SERINC5: variants seen among roughly 807,000 people sequenced by gnomAD.
The protein encoded by SERINC5 is chromosome 5 open reading frame 12.
A neutral mutation model predicts 63.1 loss-of-function variants in SERINC5; 41 were observed. The observed-to-expected ratio is 0.65, with a 90% CI of 0.51 to 0.84. The LOEUF is 0.84. Among genes scored for constraint, SERINC5 ranks in the 40% least tolerant of loss-of-function variants. The pLI is 0.00. For missense variants in SERINC5, 523 were observed against 573.0 expected (o/e 0.91, Z 0.89); for synonymous variants, 222 against 215.2 (o/e 1.03, Z -0.28).
chr5:80,238,066 T>C (rs1391879223), intron 1 of SERINC5, among the ~76,000 whole-genome samples: 1 of 135,082 alleles, frequency 7.4e-6, no homozygotes, highest in Non-Finnish European at 1.5e-5. Flanking sequence ...ATCGCACCAC[T>C]GCACTCCAGC....
At chr5:80,187,606 C>G (rs938967771) in intron 2 of SERINC5, among the ~76,000 whole-genome samples, 1 of 152,188 alleles carries the variant, frequency 6.6e-6, no homozygotes, top group Non-Finnish European at 1.5e-5. Flanking sequence ...TTTGGGGGAT[C>G]TGGGGCTATT....
chr5:80,209,966 T>C (rs1215055795), intron 1 of SERINC5, among the ~76,000 whole-genome samples: 2 of 150,528 alleles, frequency 1.3e-5, no homozygotes, highest in Non-Finnish European at 3.0e-5. Flanking sequence ...GAGGATTGCC[T>C]CCCAAATAGC....
chr5:80,138,181 T>C (rs902230349), downstream of SERINC5, among the ~76,000 whole-genome samples: 4 of 146,304 alleles, frequency 2.7e-5, no homozygotes, highest in African/African-American at 1.0e-4. Context: ...GGTGGGGGAC[T>C]GGGCGAGGGG....
At chr5:80,206,261 T>C (rs1472196015) in intron 1 of SERINC5, among the ~76,000 whole-genome samples, 1 of 152,218 alleles carries the variant, frequency 6.6e-6, no homozygotes, top group East Asian at 1.9e-4. Flanking sequence ...AAAACAAGCA[T>C]CAATTAGAAT....
intron 1 of SERINC5, among the ~76,000 whole-genome samples, chr5:80,222,559 TGA>T (rs1258213001): frequency 6.5e-4 from 89 of 137,380 alleles, no homozygotes; most frequent in African/African-American, 2.4e-3. Flanking sequence ...GGTGAGTGTG[TGA>T]GTGTGTGAGT....
intron 1 of SERINC5, among the ~76,000 whole-genome samples, chr5:80,223,668 C>G (rs1247499932): frequency 6.6e-6 from 1 of 152,094 alleles, no homozygotes; most frequent in Non-Finnish European, 1.5e-5. Context: ...AAATAAAATG[C>G]AATCATACAG....
At chr5:80,204,687 G>A (rs946303301) in intron 1 of SERINC5, among the ~76,000 whole-genome samples, 9 of 152,142 alleles carry the variant, frequency 5.9e-5, no homozygotes, top group African/African-American at 9.7e-5. Flanking sequence ...TCAGCTAAGA[G>A]CAAGAGAAGA....
At chr5:80,198,470 A>T in intron 2 of SERINC5, 1 of 941,936 alleles carries the variant, frequency 1.1e-6, no homozygotes, top group Non-Finnish European at 1.3e-6. Context: ...CTGACAAGGG[A>T]GCTGCCCTTG....
Position 80,202,940 on chromosome 5 carries a change from G to A in SERINC5, c.141C>T (p.Val47=), listed in dbSNP as rs556072650. 2.4e-4 allele frequency: 395 copies of A among 1,613,460 alleles called. 4 individuals carry two copies. The South Asian group carries it at 2.8e-3, about 12-fold the overall frequency. ...TTGACATCATGATGCAGCAGAGGACGACGACCAGAATGAAGTAGAGGGCGT... is the reference window on the plus strand; with the variant it reads ...TTGACATCATGATGCAGCAGAGGACAACGACCAGAATGAAGTAGAGGGCGT... ...FMYALYFILV[V]VLCCIMMSTT... Residue 47 remains valine (V), a synonymous_variant, in exon 2 of 12, where the codon GTC becomes GTT. Transcript: ENST00000507668.
chr5:80,232,633 A>C (rs1450895818), intron 1 of SERINC5, among the ~76,000 whole-genome samples: 1 of 152,046 alleles, frequency 6.6e-6, no homozygotes, highest in East Asian at 1.9e-4. Context: ...AAACTATGAA[A>C]ATTAGCTGGG....
chr5:80,146,051 G>A (rs763071804), intron 11 of SERINC5, 39 bp downstream of exon 11: 1 of 1,606,920 alleles, frequency 6.2e-7, no homozygotes, highest in South Asian at 1.1e-5. Flanking sequence ...TAACTTTAAG[G>A]CTTTGCTTCA....
chr5:80,173,282 A>AAAATG (rs200759637), intron 5 of SERINC5, among the ~76,000 whole-genome samples: 23 of 145,684 alleles, frequency 1.6e-4, no homozygotes, highest in Middle Eastern at 3.7e-3. Flanking sequence ...AGGAAGGAAG[A>AAAATG]AAATGAAATG....
intron 7 of SERINC5, among the ~76,000 whole-genome samples, chr5:80,161,440 G>A (rs938515165): frequency 1.3e-5 from 2 of 152,048 alleles, no homozygotes; most frequent in Non-Finnish European, 2.9e-5. Flanking sequence ...GCATTTCTCT[G>A]ATGATTAGCA....
Position 80,238,069 on chromosome 5 carries a change from A to G in SERINC5, c.27+17827T>C, listed in dbSNP as rs1460868835. Among the ~76,000 whole-genome samples, 3 of 141,672 alleles carry G rather than the reference A, an allele frequency of 2.1e-5. No homozygotes were observed. The Admixed American group carries it at 2.3e-4, about 11-fold the overall frequency. The allele number at this position is 141,672 out of a possible 152,430, so 92.9% of individuals were successfully genotyped here. A position where few individuals can be genotyped will look rare whatever the true frequency, so the allele number is the denominator to read the frequency against. On this transcript the variant is annotated intron_variant, in intron 1 of 11. Coordinates refer to ENST00000507668, the MANE Select transcript of SERINC5 (RefSeq NM_001174072.3). Reference sequence around the variant, plus strand: ...CAGTGAGCAGAGATCGCACCACTGCACTCCAGCCTGGGCGACAGAGTAAGA... The same window carrying G: ...CAGTGAGCAGAGATCGCACCACTGCGCTCCAGCCTGGGCGACAGAGTAAGA...
chr5:80,134,207 C>T (rs140565263), downstream of SERINC5, among the ~76,000 whole-genome samples: 295 of 152,218 alleles, frequency 1.9e-3, no homozygotes, highest in Non-Finnish European at 2.0e-3. Flanking sequence ...AACTATAGGC[C>T]GGGCGTGGTG....
At chr5:80,237,268 A>G (rs1751737818) in intron 1 of SERINC5, among the ~76,000 whole-genome samples, 1 of 152,224 alleles carries the variant, frequency 6.6e-6, no homozygotes, top group Non-Finnish European at 1.5e-5. Context: ...AGCTTTGCAC[A>G]GGACTCTCTA....
chr5:80,242,919 T>A (rs982999949), intron 1 of SERINC5, among the ~76,000 whole-genome samples: 1 of 152,192 alleles, frequency 6.6e-6, no homozygotes, highest in Non-Finnish European at 1.5e-5. Flanking sequence ...CAAGACTGCA[T>A]CTCAAAATGT....
intron 6 of SERINC5, among the ~76,000 whole-genome samples, chr5:80,168,447 T>C (rs1747445140): frequency 6.6e-6 from 1 of 152,160 alleles, no homozygotes; most frequent in Non-Finnish European, 1.5e-5. Flanking sequence ...ACGATCTGCC[T>C]GCCTCAGCCT....
At chr5:80,205,900 C>T (rs995838210) in intron 1 of SERINC5, among the ~76,000 whole-genome samples, 6 of 148,838 alleles carry the variant, frequency 4.0e-5, no homozygotes, top group East Asian at 2.0e-4. Context: ...GGTGAAACCT[C>T]GTCTCTACTA....
Sources: allele counts gnomAD v4.1 joint callset (sites outside exome capture counted in the v4.1 genomes callset), GRCh38; gene constraint gnomAD v4.1.1; transcripts MANE v1.5; gene names NCBI Gene and HGNC (gene_info 2026-07-23, HGNC 2026-07-21).